The following LRMDA variants were observed in gnomAD, a reference collection of about 807,000 sequenced individuals.
LRMDA encodes leucine-rich melanocyte differentiation-associated protein.
In LRMDA, 18 loss-of-function variants were observed where a neutral mutation model predicts 29.8. The observed-to-expected ratio is 0.60, with a 90% CI of 0.42 to 0.90. The LOEUF is 0.90. Among genes scored for constraint, LRMDA ranks in the 40% least tolerant of loss-of-function variants. LRMDA has a pLI of 0.00. For missense variants in LRMDA, 273 were observed against 273.9 expected (o/e 1.00, Z 0.02); for synonymous variants, 125 against 109.4 (o/e 1.14, Z -0.89).
intron 5 of LRMDA, among the ~76,000 whole-genome samples, chr10:76,212,015 T>G (rs1851643126): frequency 6.6e-6 from 1 of 152,034 alleles, no homozygotes; most frequent in Admixed American, 6.5e-5. Flanking sequence ...GGGGCAAAGG[T>G]TCAAAAAGGA....
chr10:76,076,537 A>G (rs966464596), intron 5 of LRMDA, among the ~76,000 whole-genome samples: 1 of 152,098 alleles, frequency 6.6e-6, no homozygotes, highest in African/African-American at 2.4e-5. Flanking sequence ...TGAGAGGATA[A>G]GACAGATGAA....
intron 2 of LRMDA, among the ~76,000 whole-genome samples, chr10:75,791,461 G>A (rs1316936406): frequency 6.6e-6 from 1 of 152,072 alleles, no homozygotes; most frequent in Admixed American, 6.6e-5. Flanking sequence ...ATACCAAGGG[G>A]AATAGGAAAA....
intron 5 of LRMDA, among the ~76,000 whole-genome samples, chr10:76,292,950 G>A (rs1840367061): frequency 6.6e-6 from 1 of 152,110 alleles, no homozygotes; most frequent in African/African-American, 2.4e-5. Context: ...TTTGCAAAAT[G>A]GGGAAACAGT....
At chr10:75,926,521 C>T (rs973198711) in intron 2 of LRMDA, among the ~76,000 whole-genome samples, 4 of 152,122 alleles carry the variant, frequency 2.6e-5, no homozygotes, top group Admixed American at 6.5e-5. Context: ...CTGGAGAAGC[C>T]GGGTGGCAGC....
chr10:76,102,818 A>G (rs987148400), intron 5 of LRMDA, among the ~76,000 whole-genome samples: 5 of 151,922 alleles, frequency 3.3e-5, no homozygotes, highest in African/African-American at 1.2e-4. Context: ...ATGCCTATCT[A>G]TTTTTTAAAA....
intron 6 of LRMDA, among the ~76,000 whole-genome samples, chr10:76,537,268 T>C (rs1353320431): frequency 1.4e-4 from 21 of 152,222 alleles, no homozygotes; most frequent in Non-Finnish European, 1.5e-5. Context: ...GAAACCAGTA[T>C]GTGGATGCTA....
chr10:75,763,490 G>A (rs2132229262), intron 2 of LRMDA, among the ~76,000 whole-genome samples: 1 of 152,264 alleles, frequency 6.6e-6, no homozygotes, highest in Admixed American at 6.5e-5. Flanking sequence ...TATAGGAATA[G>A]CTCTCTCATC....
intron 6 of LRMDA, among the ~76,000 whole-genome samples, chr10:76,423,524 A>C (rs1277520525): frequency 6.6e-6 from 1 of 152,200 alleles, no homozygotes; most frequent in African/African-American, 2.4e-5. Context: ...ACCCTTTCAT[A>C]AGGTTGTTGG....
intron 5 of LRMDA, among the ~76,000 whole-genome samples, chr10:76,080,866 C>T (rs191361658): frequency 1.8e-4 from 27 of 152,248 alleles, no homozygotes; most frequent in African/African-American, 6.5e-4. Flanking sequence ...TTCCGACGGC[C>T]TGTGGCATGT....
At chr10:75,695,673 G>A (rs910416689) in intron 2 of LRMDA, among the ~76,000 whole-genome samples, 2 of 152,060 alleles carry the variant, frequency 1.3e-5, no homozygotes, top group African/African-American at 2.4e-5. Flanking sequence ...GGTTTTGTGG[G>A]CAAAGTCTCT....
intron 2 of LRMDA, among the ~76,000 whole-genome samples, chr10:75,613,783 A>G (rs1373081617): frequency 2.0e-5 from 3 of 152,194 alleles, no homozygotes; most frequent in Non-Finnish European, 4.4e-5. Flanking sequence ...GTTTCTACAG[A>G]GTACGTGAGA....
chr10:76,337,529 G>T (rs780996780), intron 6 of LRMDA, among the ~76,000 whole-genome samples: 6 of 152,140 alleles, frequency 3.9e-5, no homozygotes, highest in Non-Finnish European at 7.3e-5. Context: ...AAGGCCCTGA[G>T]GTGGGAGCGT....
intron 2 of LRMDA, among the ~76,000 whole-genome samples, chr10:75,704,874 G>C (rs1842348752): frequency 6.6e-6 from 1 of 152,132 alleles, no homozygotes; most frequent in Admixed American, 6.5e-5. Context: ...GCCTCTAAGG[G>C]AACAGTGAGA....
At chr10:76,315,579 C>T (rs1840683373) in intron 5 of LRMDA, among the ~76,000 whole-genome samples, 1 of 151,280 alleles carries the variant, frequency 6.6e-6, no homozygotes, top group Admixed American at 6.6e-5. Context: ...CCTTGGCCCC[C>T]TCCAGACTTT....
chr10:76,042,965 C>T (rs917722097), intron 3 of LRMDA, among the ~76,000 whole-genome samples: 1 of 152,032 alleles, frequency 6.6e-6, no homozygotes, highest in Non-Finnish European at 1.5e-5. Context: ...TGGCCGGGCA[C>T]AGTGGCTCAC....
chr10:75,816,733 T>A (rs1034934586), intron 2 of LRMDA, among the ~76,000 whole-genome samples: 3 of 152,202 alleles, frequency 2.0e-5, no homozygotes, highest in Non-Finnish European at 2.9e-5. Context: ...GGTCCTCTTA[T>A]GGATCCCCAA....
intron 6 of LRMDA, among the ~76,000 whole-genome samples, chr10:76,481,500 T>A (rs2132326932): frequency 6.6e-6 from 1 of 152,034 alleles, no homozygotes; most frequent in South Asian, 2.1e-4. Context: ...GAGAAAACTT[T>A]CCTCCTTCTA....
In LRMDA at chr10:75,879,857, T is replaced by C. The variant is rs553456013; in HGVS notation, c.132-156151T>C. On this transcript the variant is annotated intron_variant, in intron 2 of 6. Coordinates refer to ENST00000611255, the MANE Select transcript of LRMDA (RefSeq NM_001305581.2). The stretch of plus-strand genomic sequence containing the variant: ...GCCTGGGTTATGACGAACATGGGAC[T>C]GTATTTTCTATATTTCCTTTACTGA... 8.5e-5 allele frequency among the ~76,000 whole-genome samples: 13 copies of C among 152,334 alleles called. No individual in the cohort carries two copies. In the South Asian group the frequency reaches 2.7e-3, roughly 32 times the overall value.
intron 5 of LRMDA, among the ~76,000 whole-genome samples, chr10:76,172,679 G>A (rs187571420): frequency 1.3e-5 from 2 of 152,280 alleles, no homozygotes; most frequent in African/African-American, 4.8e-5. Flanking sequence ...TAGTGCTGTT[G>A]CCACCAGCTG....
Sources: gnomAD v4.1 joint callset for allele counts (sites outside exome capture counted in the v4.1 genomes callset) on GRCh38, gnomAD v4.1.1 for gene constraint, MANE v1.5 for transcripts, NCBI Gene and HGNC (gene_info 2026-07-23, HGNC 2026-07-21) for gene names.